Variants in ASPRV1 observed in about 807,000 individuals in gnomAD.
The protein encoded by ASPRV1 is retroviral-like aspartic protease 1.
Under a neutral mutation model 11.0 loss-of-function variants are expected in ASPRV1, and 7 were observed. The observed-to-expected ratio is 0.64, with a 90% CI of 0.36 to 1.20. ASPRV1 has a LOEUF of 1.20. Ranked by LOEUF, ASPRV1 falls within the 50% of genes most tolerant of loss-of-function variation. ASPRV1 has a pLI of 0.02. For synonymous variants in ASPRV1, 136 were observed against 138.4 expected, an observed-to-expected ratio of 0.98 and a Z score of 0.12; for missense variants, 299 against 320.0, an observed-to-expected ratio of 0.93 and a Z score of 0.50.
the ASPRV1 span, chr2:69,998,245 G>T: frequency 6.6e-6 from 1 of 152,062 alleles, no homozygotes; most frequent in Non-Finnish European, 1.5e-5. Context: ...CAGGGTAGTG[G>T]GGACATAGTG....
At chr2:70,087,351 A>G in the ASPRV1 span, 1 of 152,002 alleles carries the variant, frequency 6.6e-6, no homozygotes, top group Non-Finnish European at 1.5e-5. Flanking sequence ...AGGACCATGT[A>G]AGGGTTGGCG....
At chr2:69,939,720 A>G in the ASPRV1 span, 2 of 152,492 alleles carry the variant, frequency 1.3e-5, no homozygotes, top group Non-Finnish European at 1.5e-5. Context: ...CATTTGTAAA[A>G]TCTGTGATGC....
At chr2:70,006,105 ACATGCC>A in the ASPRV1 span, among the ~76,000 whole-genome samples, 1 of 152,216 alleles carries the variant, frequency 6.6e-6, no homozygotes, top group African/African-American at 2.4e-5. Context: ...GTGCACATGC[ACATGCC>A]CATGCCCATG....
the ASPRV1 span, among the ~76,000 whole-genome samples, chr2:69,933,215 A>AAAAAAAAAAC: frequency 6.7e-6 from 1 of 149,752 alleles, no homozygotes; most frequent in Non-Finnish European, 1.5e-5. Context: ...AAAAAAAAAA[A>AAAAAAAAAAC]AAAAAAAAAC....
At chr2:70,028,824 C>G in the ASPRV1 span, among the ~76,000 whole-genome samples, 1 of 152,140 alleles carries the variant, frequency 6.6e-6, no homozygotes, top group Non-Finnish European at 1.5e-5. Context: ...AGCCTGTAGT[C>G]CCAGCTACTC....
At chr2:69,973,004 C>G in the ASPRV1 span, among the ~76,000 whole-genome samples, 1 of 152,078 alleles carries the variant, frequency 6.6e-6, no homozygotes, top group Non-Finnish European at 1.5e-5. Flanking sequence ...AGAGTCAAAT[C>G]TCTGGCCACT....
At chr2:69,981,849 A>G in the ASPRV1 span, among the ~76,000 whole-genome samples, 1 of 152,168 alleles carries the variant, frequency 6.6e-6, no homozygotes, top group Non-Finnish European at 1.5e-5. Flanking sequence ...GTGAGCCACC[A>G]TGCTCGGCTA....
the ASPRV1 span, chr2:70,003,371 G>A: frequency 1.3e-5 from 2 of 152,262 alleles, no homozygotes; most frequent in Non-Finnish European, 2.9e-5. Context: ...GTTAATGGAT[G>A]TTAAGCACGT....
At chr2:69,941,960 C>CT in the ASPRV1 span, 3 of 152,126 alleles carry the variant, frequency 2.0e-5, no homozygotes, top group East Asian at 5.8e-4. Flanking sequence ...CAGTCTATTT[C>CT]TTCCCCCAAG....
chr2:69,983,015 T>A, the ASPRV1 span, among the ~76,000 whole-genome samples: 1 of 152,090 alleles, frequency 6.6e-6, no homozygotes, highest in Admixed American at 6.5e-5. Context: ...ATCTCCAGCG[T>A]TCAAGTGATT....
At chr2:70,037,891 ATTT>A in the ASPRV1 span, among the ~76,000 whole-genome samples, 1 of 152,000 alleles carries the variant, frequency 6.6e-6, no homozygotes, top group Admixed American at 6.6e-5. Flanking sequence ...GGTGACAGAA[ATTT>A]TTTTTCTTGT....
the ASPRV1 span, among the ~76,000 whole-genome samples, chr2:69,976,910 G>A: frequency 6.6e-6 from 1 of 152,132 alleles, no homozygotes; most frequent in African/African-American, 2.4e-5. Flanking sequence ...GGCAAAAATG[G>A]GACAGGCAAG....
the ASPRV1 span, chr2:70,081,579 CTT>C: frequency 6.6e-6 from 1 of 151,874 alleles, no homozygotes; most frequent in Non-Finnish European, 1.5e-5. Context: ...TCAATTTACT[CTT>C]TATTTTTTAT....
chr2:70,039,116 G>A, the ASPRV1 span, among the ~76,000 whole-genome samples: 5 of 151,882 alleles, frequency 3.3e-5, no homozygotes, highest in African/African-American at 1.2e-4. Context: ...ATATGTGGGT[G>A]ATATGAATAA....
At chr2:69,945,334 A>G in the ASPRV1 span, among the ~76,000 whole-genome samples, 77,380 of 152,126 alleles carry the variant, frequency 0.51, 20,226 homozygotes, top group East Asian at 0.72. Context: ...TATATATAAA[A>G]GTAAAGGACA....
chr2:70,056,897 G>A, the ASPRV1 span, among the ~76,000 whole-genome samples: 1 of 151,826 alleles, frequency 6.6e-6, no homozygotes, highest in South Asian at 2.1e-4. Context: ...ACCTCACCCA[G>A]CTAATTTTTT....
the ASPRV1 span, among the ~76,000 whole-genome samples, chr2:70,065,419 T>C: frequency 3.3e-5 from 4 of 121,508 alleles, no homozygotes; most frequent in East Asian, 7.1e-4. Flanking sequence ...AAAAAGACAA[T>C]ATTCCTGTTC....
At chr2:70,026,923 AG>A in the ASPRV1 span, among the ~76,000 whole-genome samples, 1 of 152,176 alleles carries the variant, frequency 6.6e-6, no homozygotes, top group East Asian at 1.9e-4. Flanking sequence ...ACAAAACTAG[AG>A]GCATCGCACT....
At chr2:69,983,631 G>C in the ASPRV1 span, among the ~76,000 whole-genome samples, 1 of 152,196 alleles carries the variant, frequency 6.6e-6, no homozygotes, top group Non-Finnish European at 1.5e-5. Flanking sequence ...GAATGGGGGA[G>C]GGTAGGGGAG....
Sources: allele counts gnomAD v4.1 joint callset (sites outside exome capture counted in the v4.1 genomes callset), GRCh38; gene constraint gnomAD v4.1.1; transcripts MANE v1.5; gene names NCBI Gene and HGNC (gene_info 2026-07-23, HGNC 2026-07-21).